Variants in ARB2A observed in about 807,000 individuals in gnomAD.
ARB2A encodes the protein cotranscriptional regulator ARB2A.
At chr5:93,699,358 GT>G in the ARB2A span, among the ~76,000 whole-genome samples, 2 of 152,090 alleles carry the variant, frequency 1.3e-5, no homozygotes, top group African/African-American at 4.8e-5. Flanking sequence ...TCGCAAAAAA[GT>G]TTTTATCAGC....
At chr5:93,855,029 T>C in the ARB2A span, among the ~76,000 whole-genome samples, 288 of 152,226 alleles carry the variant, frequency 1.9e-3, 1 homozygote, top group African/African-American at 5.9e-3. Context: ...CTTTCTGTCT[T>C]GTTGATATGT....
chr5:93,817,200 A>G, the ARB2A span, among the ~76,000 whole-genome samples: 1 of 152,122 alleles, frequency 6.6e-6, no homozygotes, highest in African/African-American at 2.4e-5. Context: ...ATCTACTAGT[A>G]CTGAATATGA....
At chr5:93,758,953 C>T in the ARB2A span, among the ~76,000 whole-genome samples, 2 of 151,828 alleles carry the variant, frequency 1.3e-5, no homozygotes, top group Admixed American at 6.6e-5. Flanking sequence ...ATAAATGAAA[C>T]AAAAAGCTGA....
At chr5:94,002,675 C>G in the ARB2A span, among the ~76,000 whole-genome samples, 1 of 151,528 alleles carries the variant, frequency 6.6e-6, no homozygotes, top group Non-Finnish European at 1.5e-5. Context: ...CCAAACTTCT[C>G]AAATGCTAGA....
chr5:93,666,076 T>G, the ARB2A span, among the ~76,000 whole-genome samples: 1 of 152,166 alleles, frequency 6.6e-6, no homozygotes, highest in African/African-American at 2.4e-5. Flanking sequence ...AATATTTAGT[T>G]TGAAAACAGG....
the ARB2A span, among the ~76,000 whole-genome samples, chr5:94,099,875 G>A: frequency 6.6e-5 from 10 of 152,086 alleles, no homozygotes; most frequent in East Asian, 5.8e-4. Flanking sequence ...CCTGAAAACC[G>A]GCACAAGACA....
At chr5:94,045,376 G>A in the ARB2A span, among the ~76,000 whole-genome samples, 3 of 151,866 alleles carry the variant, frequency 2.0e-5, no homozygotes, top group African/African-American at 7.3e-5. Flanking sequence ...ATCCAAGAAC[G>A]CTCTCTTGGG....
At chr5:93,866,653 AC>A in the ARB2A span, among the ~76,000 whole-genome samples, 1 of 152,176 alleles carries the variant, frequency 6.6e-6, no homozygotes, top group Non-Finnish European at 1.5e-5. Context: ...CAGACGGCCT[AC>A]TTTACATATC....
the ARB2A span, among the ~76,000 whole-genome samples, chr5:93,686,849 G>T: frequency 4.0e-5 from 6 of 150,776 alleles, no homozygotes; most frequent in Non-Finnish European, 8.8e-5. Context: ...TCATTTAAAA[G>T]TTAAAAAAAA....
chr5:93,852,434 G>T, the ARB2A span, among the ~76,000 whole-genome samples: 1 of 152,050 alleles, frequency 6.6e-6, no homozygotes, highest in Admixed American at 6.6e-5. Flanking sequence ...AGTTTCCTTT[G>T]CTATGCAGAA....
the ARB2A span, among the ~76,000 whole-genome samples, chr5:93,632,156 C>T: frequency 3.9e-5 from 6 of 152,006 alleles, no homozygotes; most frequent in African/African-American, 1.2e-4. Context: ...AACCAATGAA[C>T]GTGCAAACTT....
At chr5:93,682,468 G>A in the ARB2A span, among the ~76,000 whole-genome samples, 1 of 150,558 alleles carries the variant, frequency 6.6e-6, no homozygotes, top group Admixed American at 6.6e-5. Flanking sequence ...TGAAAGAAAG[G>A]AACAGCTCTT....
the ARB2A span, among the ~76,000 whole-genome samples, chr5:94,078,038 G>C: frequency 6.6e-6 from 1 of 152,098 alleles, no homozygotes; most frequent in Non-Finnish European, 1.5e-5. Context: ...TGCCCCGTTG[G>C]CACAAAATGT....
the ARB2A span, among the ~76,000 whole-genome samples, chr5:93,880,643 T>C: frequency 6.6e-6 from 1 of 151,756 alleles, no homozygotes; most frequent in Admixed American, 6.6e-5. Flanking sequence ...CTAGCATCCA[T>C]AATAAGGGCT....
chr5:93,947,973 A>G, the ARB2A span, among the ~76,000 whole-genome samples: 4 of 152,150 alleles, frequency 2.6e-5, no homozygotes, highest in South Asian at 2.1e-4. Flanking sequence ...CAATAAACAT[A>G]TGTGTGCATG....
chr5:93,637,354 G>GTTTTTTTTTTTTT, the ARB2A span, among the ~76,000 whole-genome samples: 36 of 116,074 alleles, frequency 3.1e-4, no homozygotes, highest in African/African-American at 4.8e-4. Flanking sequence ...GGGTTGTTTA[G>GTTTTTTTTTTTTT]TTTTTTTTTT....
At chr5:93,727,135 A>G in the ARB2A span, among the ~76,000 whole-genome samples, 5 of 152,024 alleles carry the variant, frequency 3.3e-5, no homozygotes, top group Non-Finnish European at 7.4e-5. Context: ...GGCATAGAAA[A>G]TATACCAGGA....
the ARB2A span, among the ~76,000 whole-genome samples, chr5:93,858,025 A>C: frequency 0.019 from 2,886 of 152,336 alleles, 39 homozygotes; most frequent in Non-Finnish European, 0.027. Context: ...ATGATTTATT[A>C]CTGCAAAACA....
chr5:93,970,984 T>C, the ARB2A span, among the ~76,000 whole-genome samples: 1 of 152,078 alleles, frequency 6.6e-6, no homozygotes, highest in Admixed American at 6.6e-5. Flanking sequence ...TAAAAATATT[T>C]TGAAGATAAA....
Sources: gnomAD v4.1 joint callset for allele counts (sites outside exome capture counted in the v4.1 genomes callset) on GRCh38, gnomAD v4.1.1 for gene constraint, MANE v1.5 for transcripts, NCBI Gene and HGNC (gene_info 2026-07-23, HGNC 2026-07-21) for gene names.